PDZD2: variants seen among roughly 807,000 people sequenced by gnomAD.
PDZD2 encodes the protein PDZ domain-containing protein 2.
Under a neutral mutation model 220.7 loss-of-function variants are expected in PDZD2, and 90 were observed. The ratio of observed to expected loss-of-function variants is 0.41; its 90% CI spans 0.34 to 0.49. PDZD2 has a LOEUF of 0.49. Ranked by LOEUF, PDZD2 falls within the 20% of genes least tolerant of loss-of-function variation. PDZD2 has a pLI of 0.28. For missense variants in PDZD2, 3,174 were observed against 3,608.5 expected (o/e 0.88, Z 3.08); for synonymous variants, 1,375 against 1,450.5 (o/e 0.95, Z 1.18).
intron 1 of PDZD2, among the ~76,000 whole-genome samples, chr5:31,795,591 T>C (rs1753976723): frequency 6.6e-6 from 1 of 152,218 alleles, no homozygotes; most frequent in Non-Finnish European, 1.5e-5. Context: ...TTGCACAGAC[T>C]AGCCATCCAG....
At chr5:31,885,602 T>G (rs1005150959) in intron 2 of PDZD2, among the ~76,000 whole-genome samples, 2 of 152,220 alleles carry the variant, frequency 1.3e-5, no homozygotes, top group African/African-American at 4.8e-5. Flanking sequence ...GTGCATTTTT[T>G]TATATGGATG....
chr5:32,074,665 A>G (rs2112407379), intron 18 of PDZD2, 22 bp downstream of exon 18: 1 of 1,518,818 alleles, frequency 6.6e-7, no homozygotes, highest in African/African-American at 1.4e-5. Flanking sequence ...TCTCTTAGTT[A>G]CTTGGAATGG....
intron 2 of PDZD2, among the ~76,000 whole-genome samples, chr5:31,935,099 AAG>A (rs1745607773): frequency 2.0e-5 from 3 of 149,868 alleles, no homozygotes; most frequent in East Asian, 1.9e-4. Context: ...AAAAAAAAAA[AAG>A]AAAGAAAATA....
Position 32,025,591 on chromosome 5 carries a change from C to CTTTTTTTTTTTTTTTTTTTTTT in PDZD2, c.1408-11633_1408-11612dup, listed in dbSNP as rs70957998. Among the ~76,000 whole-genome samples, 33 of 67,524 alleles carry CTTTTTTTTTTTTTTTTTTTTTT rather than the reference C, an allele frequency of 4.9e-4. 3 individuals are homozygous for CTTTTTTTTTTTTTTTTTTTTTT. The highest frequency in any genetic ancestry group is 6.9e-4 in the Non-Finnish European group (27 of 39,108). 44.3% of individuals were successfully genotyped at this position (67,524 alleles called of 152,430 possible). On this transcript the variant is annotated intron_variant, in intron 6 of 24. Transcript: ENST00000438447. ...AGTGAGCCCAAATGTAACCATGATGCTTTTTTTTTTTTTTTTTTTTTTTTT... is the reference window on the plus strand; with the variant it reads ...AGTGAGCCCAAATGTAACCATGATGCTTTTTTTTTTTTTTTTTTTTTTTTTTTTTTTTTTTTTTTTTTTTTTT...
intron 1 of PDZD2, among the ~76,000 whole-genome samples, chr5:31,731,804 C>G (rs896284418): frequency 1.4e-4 from 22 of 152,226 alleles, no homozygotes; most frequent in Non-Finnish European, 3.1e-4. Context: ...TGTTTTGTTA[C>G]TATGAACATC....
At chr5:32,106,124 CATCACGTAGA>C (rs1393048529) in intron 24 of PDZD2, 1 of 152,446 alleles carries the variant, frequency 6.6e-6, no homozygotes, top group African/African-American at 2.4e-5. Context: ...TACAACTCAC[CATCACGTAGA>C]ATCTGTGGGA....
chr5:31,936,891 T>C (rs915971873), intron 2 of PDZD2, among the ~76,000 whole-genome samples: 6 of 152,192 alleles, frequency 3.9e-5, no homozygotes, highest in Admixed American at 6.5e-5. Context: ...CTGCCTCTGC[T>C]CGGCTTCTAA....
chr5:31,789,383 G>T (rs1248994739), intron 1 of PDZD2, among the ~76,000 whole-genome samples: 2 of 152,178 alleles, frequency 1.3e-5, no homozygotes, highest in Admixed American at 1.3e-4. Flanking sequence ...AAGCGAGCAG[G>T]ATACTCTGTA....
In PDZD2 at chr5:31,705,256, T is replaced by C. The variant is rs78581171; in HGVS notation, c.-361+65819T>C. Among the ~76,000 whole-genome samples the C allele has an allele frequency of 7.1e-3, 1,077 of 152,140 alleles. 18 individuals carry two copies. Among genetic ancestry groups the C allele is most frequent in the African/African-American group, 0.025 (1,025 of 41,506 alleles). ...ACTGGCTCTGTTCCCTCCAGAAGTT[T>C]ACCGTCTACTCCCAAGGAAGCCTGA... On this transcript the variant is annotated intron_variant, in intron 1 of 24. Transcript: ENST00000438447.
chr5:31,965,220 C>T (rs1748621504), intron 2 of PDZD2, among the ~76,000 whole-genome samples: 2 of 152,146 alleles, frequency 1.3e-5, no homozygotes, highest in Admixed American at 6.5e-5. Context: ...CATACAGAGA[C>T]GGAGGAGAGC....
In PDZD2 at chr5:31,651,157, C is replaced by T. The variant is rs186484736; in HGVS notation, c.-361+11720C>T. 4.0e-5 allele frequency among the ~76,000 whole-genome samples: 6 copies of T among 151,816 alleles called. No homozygotes were observed. The East Asian group carries it at 7.7e-4, about 20-fold the overall frequency. On this transcript the variant is annotated intron_variant, in intron 1 of 24. Coordinates refer to ENST00000438447, the MANE Select transcript of PDZD2 (RefSeq NM_178140.4). Reference sequence around the variant, plus strand: ...AAACTTGGACAAAATACTACTATTTCGGGCAAACAGTAATTGTGAGGATGT... The same window carrying T: ...AAACTTGGACAAAATACTACTATTTTGGGCAAACAGTAATTGTGAGGATGT...
At chr5:31,915,905 G>T (rs138508345) in intron 2 of PDZD2, among the ~76,000 whole-genome samples, 1 of 152,240 alleles carries the variant, frequency 6.6e-6, no homozygotes, top group South Asian at 2.1e-4. Context: ...GGAGCCTTTT[G>T]TTTTTAAGAA....
At chr5:31,885,918 TG>T (rs905301857) in intron 2 of PDZD2, among the ~76,000 whole-genome samples, 19 of 117,392 alleles carry the variant, frequency 1.6e-4, no homozygotes, top group Non-Finnish European at 2.5e-4. Flanking sequence ...GTTAGTTTTT[TG>T]GTTTTTTTTT....
chr5:31,881,234 T>C (rs2150336539), intron 2 of PDZD2, among the ~76,000 whole-genome samples: 1 of 152,182 alleles, frequency 6.6e-6, no homozygotes, highest in East Asian at 1.9e-4. Context: ...GTTGCCATTA[T>C]GATTGGATTT....
intron 3 of PDZD2, among the ~76,000 whole-genome samples, chr5:31,992,077 ACTT>A (rs978727217): frequency 7.9e-5 from 12 of 152,224 alleles, no homozygotes; most frequent in African/African-American, 2.6e-4. Flanking sequence ...GCTAACATTT[ACTT>A]CTTGTTGCTT....
At chr5:31,912,731 GTC>G (rs1195307566) in intron 2 of PDZD2, among the ~76,000 whole-genome samples, 2 of 152,210 alleles carry the variant, frequency 1.3e-5, no homozygotes, top group East Asian at 3.8e-4. Context: ...CCATGGAGGT[GTC>G]TCTCTAGCAT....
At chr5:31,932,703 T>A (rs146599986) in intron 2 of PDZD2, among the ~76,000 whole-genome samples, 1 of 152,288 alleles carries the variant, frequency 6.6e-6, no homozygotes, top group African/African-American at 2.4e-5. Flanking sequence ...CCACTATCCA[T>A]CTCCAGAAGG....
At chr5:31,881,567 G>A (rs1465398512) in intron 2 of PDZD2, among the ~76,000 whole-genome samples, 10 of 151,110 alleles carry the variant, frequency 6.6e-5, no homozygotes, top group Admixed American at 1.3e-4. Flanking sequence ...TAGTAGAGAC[G>A]GGGTTTCACC....
intron 1 of PDZD2, among the ~76,000 whole-genome samples, chr5:31,797,094 ATT>A (rs756548601): frequency 0.093 from 6,134 of 66,088 alleles, 242 homozygotes; most frequent in East Asian, 0.27. Flanking sequence ...CACCCAGCTA[ATT>A]TTTTTTTTTT....
Sources: allele counts gnomAD v4.1 joint callset (sites outside exome capture counted in the v4.1 genomes callset), GRCh38; gene constraint gnomAD v4.1.1; transcripts MANE v1.5; gene names NCBI Gene and HGNC (gene_info 2026-07-23, HGNC 2026-07-21).